The following BRSK1 variants were observed in gnomAD, a reference collection of about 807,000 sequenced individuals.
BRSK1 encodes serine/threonine-protein kinase BRSK1.
BRSK1 carries 17 observed loss-of-function variants against 86.2 expected under a neutral mutation model. The ratio of observed to expected loss-of-function variants is 0.20; its 90% confidence interval spans 0.14 to 0.30. The LOEUF is 0.30. BRSK1 is among the 10% of genes least tolerant of loss of function. The pLI, the probability that BRSK1 is intolerant of heterozygous loss-of-function variation, is 1.00. For synonymous variants in BRSK1, 464 were observed against 440.1 expected (o/e 1.05, Z -0.68); for missense variants, 719 against 1,071.9 (o/e 0.67, Z 4.60).
chr19:55,304,055 G>T lies in BRSK1; in HGVS notation c.1292G>T (p.Arg431Leu). ...TAAATCTATCCTGGAAACAGATCCC[G>T]TAGCGTCAGTGGAGCCTCCACGGGT... Reference protein sequence around the residue: ...LEMAQHSQRSRSVSGASTGLS... With the variant: ...LEMAQHSQRSLSVSGASTGLS... Residue 431 changes from arginine to leucine, a missense_variant, in exon 13 of 19, where the codon CGT (arginine) becomes CTT (leucine). By Grantham distance (102) the Arg-to-Leu change is moderately radical (BLOSUM62 -2). Around this residue, in one of 6 missense-constraint regions of BRSK1, gnomAD observed 168 missense variants for 246.3 expected, o/e 0.68. Coordinates refer to ENST00000309383, the MANE Select transcript of BRSK1 (RefSeq NM_032430.2). This position sits in a 1 kb window ranked among gnomAD's most constrained non-coding sequence, Gnocchi z 5.2. 1 of 1,610,064 alleles carries T rather than the reference G, an allele frequency of 6.2e-7. No individual in the cohort carries two copies. The highest frequency in any genetic ancestry group is 1.3e-5 in the African/African-American group (1 of 74,704).
chr19:55,308,244 C>A (rs1239557151), intron 17 of BRSK1, among the ~76,000 whole-genome samples: 1 of 115,892 alleles, frequency 8.6e-6, no homozygotes, highest in Non-Finnish European at 1.7e-5. Context: ...TGGTCTCGAA[C>A]TCCTGAGCAA....
intron 7 of BRSK1, among the ~76,000 whole-genome samples, chr19:55,299,257 T>G (rs2088534811): frequency 6.6e-6 from 1 of 152,210 alleles, no homozygotes; most frequent in African/African-American, 2.4e-5. Context: ...TTACTAACTA[T>G]AGTTCCTCCA....
Position 55,310,520 on chromosome 19 carries a change from T to G in BRSK1, c.2180-1391T>G, listed in dbSNP as rs933687655. On this transcript the variant is annotated intron_variant, in intron 18 of 18. Transcript: ENST00000309383. This position sits in a 1 kb window ranked among gnomAD's most constrained non-coding sequence, Gnocchi z 5.0. Reference sequence around the variant, plus strand: ...CTCGGTATTTGCATGTGGACATCTTTGGAGGGGGCCGTTATTCAGCCTAGC... The same window carrying G: ...CTCGGTATTTGCATGTGGACATCTTGGGAGGGGGCCGTTATTCAGCCTAGC... 2.6e-5 allele frequency among the ~76,000 whole-genome samples: 4 copies of G among 152,194 alleles called. No individual in the cohort carries two copies. The highest frequency in any genetic ancestry group is 5.9e-5 in the Non-Finnish European group (4 of 68,042).
At chr19:55,298,270 C>T (rs1349067053) in intron 7 of BRSK1, among the ~76,000 whole-genome samples, 1 of 117,768 alleles carries the variant, frequency 8.5e-6, no homozygotes, top group Non-Finnish European at 1.6e-5. Flanking sequence ...GTAGCCCAGG[C>T]TGGAGTGCAA....
At chr19:55,288,743 G>A (rs1421910672) in intron 3 of BRSK1, among the ~76,000 whole-genome samples, 2 of 151,772 alleles carry the variant, frequency 1.3e-5, no homozygotes, top group South Asian at 2.1e-4. Context: ...GCACCACCAC[G>A]CCCAGCTAAT....
At position 55,310,356 on chromosome 19, in the gene BRSK1, TCTGA is replaced by T. The variant is rs1188037850; in HGVS notation, c.2180-1549_2180-1546del. Among the ~76,000 whole-genome samples the T allele has an allele frequency of 2.0e-5, 3 of 152,244 alleles. No homozygotes were observed. In the South Asian group the frequency reaches 6.2e-4, roughly 32 times the overall value. On this transcript the variant is annotated intron_variant, in intron 18 of 18. Transcript: ENST00000309383. The surrounding 1 kb of genome is among the most constrained non-coding windows in gnomAD (Gnocchi z 5.0). ...CAAAGCCAGTGACGCCATATATCCC[TCTGA>T]CTGACCTTAGCTGGGAAAAGGTGAC...
chr19:55,301,512 G>A lies in BRSK1; in HGVS notation c.679G>A (p.Gly227Arg), dbSNP rs1350447001. 1 of 1,613,600 alleles carries A rather than the reference G, an allele frequency of 6.2e-7. No homozygotes were observed. The highest frequency in any genetic ancestry group is 1.7e-5 in the Admixed American group (1 of 59,976). ...CGVILFALLV[G>R]ALPFDDDNLR... Reference sequence around the variant, plus strand: ...GGGGTCCTGGTTATCTCTTGCCCAGGGGGCTCTGCCCTTTGATGACGACAA... The same window carrying A: ...GGGGTCCTGGTTATCTCTTGCCCAGAGGGCTCTGCCCTTTGATGACGACAA... The change falls in exon 8 of 19, where the codon GGG (glycine) becomes AGG (arginine). Residue 227 changes from glycine (G) to arginine (R), a missense_variant and splice_region_variant. Transcript: ENST00000309383.
chr19:55,298,490 C>T (rs2088523478), intron 7 of BRSK1, among the ~76,000 whole-genome samples: 1 of 152,074 alleles, frequency 6.6e-6, no homozygotes, highest in Admixed American at 6.6e-5. Context: ...TATTCTTGTT[C>T]CAATAGTTCC....
chr19:55,304,018 AT>A lies in BRSK1; in HGVS notation c.1287-20del, dbSNP rs5828618. ...GTGGTTTTTGAAACCCTCCCATCTG[AT>A]TTTTTTTTTTTAAATCTATCCTGGA... On this transcript the variant is annotated intron_variant, in intron 12 of 18. Coordinates refer to ENST00000309383, the MANE Select transcript of BRSK1 (RefSeq NM_032430.2). The surrounding 1 kb of genome is among the most constrained non-coding windows in gnomAD (Gnocchi z 5.2). 0.039 allele frequency: 38,371 copies of A among 982,914 alleles called. 1 individual carries two copies. The highest frequency in any genetic ancestry group is 0.051 in the South Asian group (2,656 of 51,780). The allele number at this position is 982,914 out of a possible 1,614,324, so 60.9% of individuals were successfully genotyped here.
In BRSK1 at chr19:55,294,699, G is replaced by A. The variant is rs1387165468; in HGVS notation, c.678+302G>A. Among the ~76,000 whole-genome samples, 1 of 151,830 alleles carries A rather than the reference G, an allele frequency of 6.6e-6. No homozygotes were observed. The highest frequency in any genetic ancestry group is 2.4e-5 in the African/African-American group (1 of 41,278). On this transcript the variant is annotated intron_variant, in intron 7 of 18. Transcript: ENST00000309383. The surrounding 1 kb of genome is among the most constrained non-coding windows in gnomAD (Gnocchi z 4.9). The stretch of plus-strand genomic sequence containing the variant: ...GAATTTTTAGTAGAGACAGGGTTTC[G>A]CCATATTGGCCAGGCTGGTCTCCAA...
In BRSK1 at chr19:55,287,548, T is replaced by C. The variant is rs2088337126; in HGVS notation, c.317+249T>C. Among the ~76,000 whole-genome samples the C allele has an allele frequency of 6.6e-6, 1 of 152,164 alleles. No individual in the cohort carries two copies. The highest frequency in any genetic ancestry group is 1.5e-5 in the Non-Finnish European group (1 of 68,018). On this transcript the variant is annotated intron_variant, in intron 3 of 18. Coordinates refer to ENST00000309383, the MANE Select transcript of BRSK1 (RefSeq NM_032430.2). This position sits in a 1 kb window ranked among gnomAD's most constrained non-coding sequence, Gnocchi z 5.3. ...CTCCTACCGTGTCCCCAGCTCCAGCTCCTCGCCCTGTGGCACTGCATGGAA... is the reference window on the plus strand; with the variant it reads ...CTCCTACCGTGTCCCCAGCTCCAGCCCCTCGCCCTGTGGCACTGCATGGAA...
intron 17 of BRSK1, 31 bp from the exon 18 acceptor site, chr19:55,308,608 T>C: frequency 1.3e-6 from 2 of 1,573,514 alleles, no homozygotes; most frequent in East Asian, 2.3e-5. Flanking sequence ...GGACCCCCAG[T>C]CAGTGTTTTT....
chr19:55,296,145 C>T (rs1233204724), intron 7 of BRSK1, among the ~76,000 whole-genome samples: 1 of 152,006 alleles, frequency 6.6e-6, no homozygotes, highest in Admixed American at 6.6e-5. Flanking sequence ...GCCCCCACTC[C>T]TCCTCCCCAC....
At position 55,306,182 on chromosome 19, in the gene BRSK1, C is replaced by A; in HGVS notation, c.1891-70C>A. ...GCTCATGGGACTCGTAGTTCCTTGG[C>A]CAGAGCTGGTCGTGGGGCTGGGTAT... On this transcript the variant is annotated intron_variant, in intron 16 of 18. Transcript: ENST00000309383. This position sits in a 1 kb window ranked among gnomAD's most constrained non-coding sequence, Gnocchi z 4.7. The A allele has an allele frequency of 1.3e-6, 2 of 1,526,436 alleles. No individual in the cohort carries two copies. Among genetic ancestry groups the A allele is most frequent in the Non-Finnish European group, 9.0e-7 (1 of 1,115,270 alleles). The allele number at this position is 1,526,436 out of a possible 1,614,324, so 94.6% of individuals were successfully genotyped here.
At chr19:55,300,646 C>G (rs542023692) in intron 7 of BRSK1, among the ~76,000 whole-genome samples, 1 of 152,286 alleles carries the variant, frequency 6.6e-6, no homozygotes, top group East Asian at 1.9e-4. Flanking sequence ...TGAGACCAGC[C>G]TGGCCAACAT....
chr19:55,284,485 T>G lies in BRSK1; in HGVS notation c.43T>G (p.Tyr15Asp). 4.7e-6 allele frequency: 6 copies of G among 1,279,688 alleles called. No individual in the cohort carries two copies. The highest frequency in any genetic ancestry group is 5.1e-6 in the Non-Finnish European group (5 of 973,902). The allele number at this position is 1,279,688 out of a possible 1,614,324, so 79.3% of individuals were successfully genotyped here. A position where few individuals can be genotyped will look rare whatever the true frequency, so the allele number is the denominator to read the frequency against. ...AKEGGGGSPA[Y>D]HLPHPHPHPP... ...GGAGGGAGGTGGGGGCTCTCCCGCC[T>G]ACCACCTCCCCCACCCCCACCCCCA... The change falls in exon 1 of 19, where the codon TAC becomes GAC. Residue 15 changes from tyrosine (Y) to aspartate (D), a missense_variant. Physicochemically the swap from Tyr to Asp is radical, Grantham distance 160. This residue lies in a region of BRSK1 where 71 missense variants were observed against 92.6 expected (regional missense o/e 0.77). Coordinates refer to ENST00000309383, the MANE Select transcript of BRSK1 (RefSeq NM_032430.2).
intron 7 of BRSK1, among the ~76,000 whole-genome samples, chr19:55,297,996 G>T: frequency 6.6e-6 from 1 of 151,762 alleles, no homozygotes; most frequent in East Asian, 1.9e-4. Context: ...TGTATTTTTA[G>T]TAGAGATGGG....
rs748930795 is a variant in BRSK1 at position 55,289,540 on chromosome 19, G to T, written c.378G>T (p.Gly126=). 2.3e-5 allele frequency: 37 copies of T among 1,613,962 alleles called. No homozygotes were observed. The highest frequency in any genetic ancestry group is 3.1e-5 in the Non-Finnish European group (36 of 1,180,026). ...TATTCGACTACCTGGTAAAGAAGGG[G>T]AGACTGACGCCCAAGGAGGCCCGAA... is the stretch of plus-strand genomic sequence containing the variant. The part of the protein sequence containing the change: ...GELFDYLVKK[G]RLTPKEARKF... The change falls in exon 4 of 19, where the codon GGG becomes GGT. Residue 126 remains glycine, a synonymous_variant. Transcript: ENST00000309383.
At position 55,287,931 on chromosome 19, in the gene BRSK1, T is replaced by C. The variant is rs972894625; in HGVS notation, c.317+632T>C. ...AGCCGGAGAGGGGACAGCCCTCGTG[T>C]TCCCCCCCGGCACCCAGTCCCCCGG... On this transcript the variant is annotated intron_variant, in intron 3 of 18. Coordinates refer to ENST00000309383, the MANE Select transcript of BRSK1 (RefSeq NM_032430.2). This position sits in a 1 kb window ranked among gnomAD's most constrained non-coding sequence, Gnocchi z 5.3. 1 of 155,776 alleles carries C rather than the reference T, an allele frequency of 6.4e-6. No individual in the cohort carries two copies. Among genetic ancestry groups the C allele is most frequent in the Non-Finnish European group, 1.4e-5 (1 of 70,012 alleles). The allele number at this position is 155,776 out of a possible 1,614,324, so 9.6% of individuals were successfully genotyped here.
Sources: allele counts gnomAD v4.1 joint callset (sites outside exome capture counted in the v4.1 genomes callset), GRCh38; gene constraint gnomAD v4.1.1; regional missense constraint gnomAD v4.1.1; non-coding constraint Gnocchi (gnomAD v3.1); transcripts MANE v1.5; gene names NCBI Gene and HGNC (gene_info 2026-07-23, HGNC 2026-07-21).